The following CUBN variants were observed in gnomAD, a reference collection of about 807,000 sequenced individuals.
CUBN encodes the protein cubilin.
A neutral mutation model predicts 405.3 loss-of-function variants in CUBN; 282 were observed. That is an observed-to-expected ratio of 0.70 (90% confidence interval 0.63 to 0.77). The LOEUF (loss-of-function observed/expected upper bound fraction) is 0.77, where lower values mean the gene tolerates loss of function less well. CUBN is among the 30% of genes least tolerant of loss of function. The pLI, the probability that CUBN is intolerant of heterozygous loss-of-function variation, is 0.00. For missense variants in CUBN, 4,514 were observed against 4,475.2 expected, an observed-to-expected ratio of 1.01 and a Z score of -0.25; for synonymous variants, 1,684 against 1,617.0, an observed-to-expected ratio of 1.04 and a Z score of -0.99.
At chr10:17,045,359 TA>T (rs1228705946) in intron 24 of CUBN, among the ~76,000 whole-genome samples, 171 bp from the exon 25 acceptor site, 4 of 145,124 alleles carry the variant, frequency 2.8e-5, no homozygotes, top group South Asian at 4.2e-4. Context: ...TATTTTTTTC[TA>T]TTTTTTTTTT....
rs751642650 is a variant in CUBN, at chr10:17,068,586, A to T, written c.2791+19T>A. 1.9e-6 allele frequency: 3 copies of T among 1,596,036 alleles called. No individual in the cohort carries two copies. In the Admixed American group the frequency reaches 5.0e-5, roughly 27 times the overall value. On this transcript the variant is annotated intron_variant, in intron 20 of 66. Coordinates refer to ENST00000377833, the MANE Select transcript of CUBN (RefSeq NM_001081.4). The stretch of plus-strand genomic sequence containing the variant: ...TACAAGCCCAAGAGGAGGAAAAAAA[A>T]AAGGGAACAGTCTCTTACCCAAATC...
At chr10:16,887,254 A>G (rs577654432) in intron 56 of CUBN, among the ~76,000 whole-genome samples, 1 of 152,358 alleles carries the variant, frequency 6.6e-6, no homozygotes, top group South Asian at 2.1e-4. Flanking sequence ...AATAAATTAA[A>G]AGCTATGTTA....
chr10:16,987,525 A>T (rs941987726), intron 29 of CUBN, among the ~76,000 whole-genome samples: 1 of 152,188 alleles, frequency 6.6e-6, no homozygotes, highest in Non-Finnish European at 1.5e-5. Context: ...GCTTTTTGCA[A>T]TGGGCCACTT....
intron 22 of CUBN, among the ~76,000 whole-genome samples, chr10:17,057,203 T>C (rs1456302196): frequency 6.6e-6 from 1 of 152,162 alleles, no homozygotes; most frequent in Non-Finnish European, 1.5e-5. Context: ...TCCAGCTCCG[T>C]GACTGCTCCT....
At chr10:17,026,124 G>T (rs1031790256) in intron 27 of CUBN, among the ~76,000 whole-genome samples, 2 of 152,118 alleles carry the variant, frequency 1.3e-5, no homozygotes, top group African/African-American at 4.8e-5. Flanking sequence ...GGGACCTAGG[G>T]AATTCTCAGG....
At chr10:16,878,417 C>A (rs1295901034) in intron 56 of CUBN, among the ~76,000 whole-genome samples, 2 of 152,196 alleles carry the variant, frequency 1.3e-5, no homozygotes, top group Non-Finnish European at 2.9e-5. Context: ...TTCCATCAAT[C>A]CCCTATTGCT....
intron 22 of CUBN, among the ~76,000 whole-genome samples, chr10:17,050,866 A>G (rs1372373585): frequency 2.0e-5 from 3 of 152,130 alleles, no homozygotes; most frequent in Non-Finnish European, 4.4e-5. Flanking sequence ...ATGTTCACAA[A>G]TATTCTTTAG....
intron 40 of CUBN, among the ~76,000 whole-genome samples, chr10:16,930,507 A>G (rs1842332080): frequency 6.6e-6 from 1 of 152,254 alleles, no homozygotes; most frequent in Admixed American, 6.5e-5. Context: ...GGTCATGAAG[A>G]AAGTACACTT....
intron 21 of CUBN, among the ~76,000 whole-genome samples, chr10:17,066,431 T>C (rs940384301): frequency 3.3e-5 from 5 of 151,492 alleles, no homozygotes; most frequent in Non-Finnish European, 7.4e-5. Flanking sequence ...AAAACAAATA[T>C]AGAAACCAAA....
In CUBN at chr10:16,915,141, G is replaced by C; in HGVS notation, c.7242C>G (p.Thr2414=). Residue 2414 remains threonine, a synonymous_variant, in exon 47 of 67, where the codon ACC becomes ACG. Coordinates refer to ENST00000377833, the MANE Select transcript of CUBN (RefSeq NM_001081.4). ...TAGAAGTGTCTATGCTGTCAGGAAT[G>C]GTGTTTCCACAGTATCTGCCCAAGA... ...GNILGRYCGN[T]IPDSIDTSSN... is the part of the protein sequence containing the mutation. 6.2e-7 allele frequency: 1 copy of C among 1,613,896 alleles called. No individual in the cohort carries two copies. Among genetic ancestry groups the C allele is most frequent in the Middle Eastern group, 1.7e-4 (1 of 5,998 alleles).
chr10:16,905,598 A>G lies in CUBN; in HGVS notation c.7912+605T>C, dbSNP rs1393311277. Among the ~76,000 whole-genome samples, 4 of 152,162 alleles carry G rather than the reference A, an allele frequency of 2.6e-5. No homozygotes were observed. In the East Asian group the frequency reaches 7.7e-4, roughly 29 times the overall value. Reference sequence around the variant, plus strand: ...CTCCTTGGAAAGGAGTCTTGATAGTAGTGGACTCTCGCTTCGGCAAAAGTC... The same window carrying G: ...CTCCTTGGAAAGGAGTCTTGATAGTGGTGGACTCTCGCTTCGGCAAAAGTC... On this transcript the variant is annotated intron_variant, in intron 50 of 66. Transcript: ENST00000377833.
chr10:16,839,420 C>T (rs919029479), intron 62 of CUBN, among the ~76,000 whole-genome samples: 1 of 152,042 alleles, frequency 6.6e-6, no homozygotes. Flanking sequence ...TGAACAGACA[C>T]TTCTCAAAAG....
rs184528457 is a variant in CUBN, at chr10:17,053,059, A to G, written c.3140-5456T>C. 3.5e-3 allele frequency among the ~76,000 whole-genome samples: 527 copies of G among 152,018 alleles called. 3 individuals are homozygous for G. Among genetic ancestry groups the G allele is most frequent in the Non-Finnish European group, 4.8e-3 (325 of 67,924 alleles). On this transcript the variant is annotated intron_variant, in intron 22 of 66. Transcript: ENST00000377833. ...TATAAGTTAAGGAGTATATTTTTAGACCTAATGTAAAAATACAAAAAAAAA... is the reference window on the plus strand; with the variant it reads ...TATAAGTTAAGGAGTATATTTTTAGGCCTAATGTAAAAATACAAAAAAAAA...
In CUBN at chr10:17,068,638, C is replaced by T; in HGVS notation, c.2758G>A (p.Gly920Ser). The T allele has an allele frequency of 6.2e-7, 1 of 1,612,778 alleles. No homozygotes were observed. Among genetic ancestry groups the T allele is most frequent in the Non-Finnish European group, 8.5e-7 (1 of 1,179,402 alleles). ...TCAGCACTGAACTTAGCCATGAAAC[C>T]ATGGTTTTCAGTAGAAGAACTTTTC... Reference protein sequence around the residue: ...FVKSSSTENHGFMAKFSAEDL... With the variant: ...FVKSSSTENHSFMAKFSAEDL... Residue 920 changes from glycine (G) to serine (S), a missense_variant, in exon 20 of 67, where the codon GGT becomes AGT. Around this residue, in one of 5 missense-constraint regions of CUBN, gnomAD observed 1,448 missense variants for 1,388.0 expected, o/e 1.04. Transcript: ENST00000377833.
At chr10:16,954,599 G>A in intron 31 of CUBN, 51 bp from the exon 32 acceptor site, 1 of 1,595,232 alleles carries the variant, frequency 6.3e-7, no homozygotes, top group Non-Finnish European at 8.6e-7. Flanking sequence ...CATCTAGAAG[G>A]CCTGTATTCC....
chr10:17,001,643 A>T (rs1410000964), intron 28 of CUBN, among the ~76,000 whole-genome samples: 1 of 152,250 alleles, frequency 6.6e-6, no homozygotes, highest in East Asian at 1.9e-4. Context: ...GATAACATCA[A>T]CAACAGTAAT....
At chr10:16,930,488 T>C (rs1842331178) in intron 40 of CUBN, among the ~76,000 whole-genome samples, 1 of 152,184 alleles carries the variant, frequency 6.6e-6, no homozygotes, top group African/African-American at 2.4e-5. Context: ...TATTAAATGA[T>C]TTATCTAAGG....
chr10:17,022,116 A>G (rs1052815891), intron 27 of CUBN, among the ~76,000 whole-genome samples: 2 of 152,180 alleles, frequency 1.3e-5, no homozygotes, highest in Non-Finnish European at 2.9e-5. Flanking sequence ...TAGACCATAA[A>G]GGATTTGGAC....
In CUBN at chr10:16,825,094, A is replaced by G. The variant is rs1391722960; in HGVS notation, c.10765-12T>C. The stretch of plus-strand genomic sequence containing the variant: ...GCTATGCTGGTGTCCTAAAATTGAA[A>G]AAAAAAGTATCCAATTATATATTTC... On this transcript the variant is annotated splice_polypyrimidine_tract_variant and intron_variant, in intron 66 of 66. Transcript: ENST00000377833. The G allele has an allele frequency of 1.3e-6, 2 of 1,577,436 alleles. No homozygotes were observed. The highest frequency in any genetic ancestry group is 4.5e-5 in the East Asian group (2 of 44,670).
Sources: allele counts gnomAD v4.1 joint callset (sites outside exome capture counted in the v4.1 genomes callset), GRCh38; gene constraint gnomAD v4.1.1; regional missense constraint gnomAD v4.1.1; transcripts MANE v1.5; gene names NCBI Gene and HGNC (gene_info 2026-07-23, HGNC 2026-07-21).